The following NRG3 variants were observed in gnomAD, a reference collection of about 807,000 sequenced individuals.
NRG3 encodes the protein neuregulin 3, also known as pro-neuregulin-3, membrane-bound isoform.
NRG3 carries 31 observed loss-of-function variants against 66.9 expected under a neutral mutation model. That is an observed-to-expected ratio of 0.46 (90% CI 0.35 to 0.63). The LOEUF (loss-of-function observed/expected upper bound fraction) is 0.63. Ranked by LOEUF, NRG3 falls within the 20% of genes least tolerant of loss-of-function variation. The probability of loss-of-function intolerance (pLI) is 0.00; values close to 1 mark genes in which losing one functional copy is unlikely to be tolerated. For missense variants in NRG3, 910 were observed against 878.9 expected (o/e 1.04, Z -0.45); for synonymous variants, 393 against 359.4 (o/e 1.09, Z -1.06).
intron 1 of NRG3, among the ~76,000 whole-genome samples, chr10:82,132,491 T>TCA (rs2068934112): frequency 4.1e-5 from 1 of 24,360 alleles, no homozygotes; most frequent in East Asian, 9.2e-4. Flanking sequence ...TATATATATA[T>TCA]GATATATATA....
chr10:82,021,718 G>A (rs991588308), intron 1 of NRG3, among the ~76,000 whole-genome samples: 5 of 151,592 alleles, frequency 3.3e-5, no homozygotes, highest in African/African-American at 1.2e-4. Flanking sequence ...AAGACAACAG[G>A]AAGATAATTT....
At chr10:82,240,662 A>G (rs1172017138) in intron 1 of NRG3, among the ~76,000 whole-genome samples, 2 of 152,196 alleles carry the variant, frequency 1.3e-5, no homozygotes, top group Non-Finnish European at 2.9e-5. Context: ...AGTTCATTCC[A>G]GAATAAATAG....
intron 1 of NRG3, among the ~76,000 whole-genome samples, chr10:82,174,380 T>G (rs918466627): frequency 6.6e-6 from 1 of 152,102 alleles, no homozygotes; most frequent in Non-Finnish European, 1.5e-5. Flanking sequence ...ATGCACATGT[T>G]TTTTTCGTAT....
At chr10:81,938,252 A>T (rs1315452528) in intron 1 of NRG3, among the ~76,000 whole-genome samples, 2 of 151,044 alleles carry the variant, frequency 1.3e-5, no homozygotes, top group Non-Finnish European at 3.0e-5. Flanking sequence ...TTAAAAAAAA[A>T]ATTTCTGCAA....
At chr10:81,884,004 G>T (rs1262538797) in intron 1 of NRG3, among the ~76,000 whole-genome samples, 1 of 152,166 alleles carries the variant, frequency 6.6e-6, no homozygotes. Context: ...TTGAAATAAG[G>T]ATTGAAAAAC....
At chr10:82,012,791 C>T in intron 1 of NRG3, among the ~76,000 whole-genome samples, 1 of 152,182 alleles carries the variant, frequency 6.6e-6, no homozygotes, top group East Asian at 1.9e-4. Flanking sequence ...TAAAAAGAGT[C>T]ACCTTTGCTC....
At chr10:82,125,603 A>G (rs1329628704) in intron 1 of NRG3, among the ~76,000 whole-genome samples, 2 of 152,004 alleles carry the variant, frequency 1.3e-5, no homozygotes, top group Non-Finnish European at 2.9e-5. Context: ...TTAACCCCAA[A>G]TGTATATTTT....
At chr10:82,932,895 C>T (rs1243992198) in intron 4 of NRG3, among the ~76,000 whole-genome samples, 1 of 152,134 alleles carries the variant, frequency 6.6e-6, no homozygotes, top group East Asian at 1.9e-4. Context: ...CCTCCTTTCC[C>T]CTTGATATCC....
chr10:82,693,722 C>T (rs1038677116), intron 2 of NRG3, among the ~76,000 whole-genome samples: 4 of 152,144 alleles, frequency 2.6e-5, no homozygotes, highest in Admixed American at 1.3e-4. Flanking sequence ...GTGGTGCATC[C>T]GGAGTTTGTT....
chr10:82,179,909 T>C (rs1235287980), intron 1 of NRG3, among the ~76,000 whole-genome samples: 1 of 151,980 alleles, frequency 6.6e-6, no homozygotes, highest in Non-Finnish European at 1.5e-5. Context: ...TTTTCAAAAT[T>C]TCTTTCAGTA....
intron 2 of NRG3, among the ~76,000 whole-genome samples, chr10:82,667,522 T>C (rs1158573330): frequency 6.6e-6 from 1 of 152,186 alleles, no homozygotes; most frequent in Admixed American, 6.5e-5. Context: ...TACACAGAGA[T>C]ACTGCCTGGA....
intron 3 of NRG3, among the ~76,000 whole-genome samples, chr10:82,841,402 T>C (rs1223667460): frequency 1.3e-5 from 2 of 152,202 alleles, no homozygotes; most frequent in Admixed American, 6.5e-5. Context: ...AGAAGAAATA[T>C]GAATAGTGAT....
At chr10:82,904,354 C>A (rs1464898056) in intron 4 of NRG3, among the ~76,000 whole-genome samples, 2 of 152,146 alleles carry the variant, frequency 1.3e-5, no homozygotes, top group Non-Finnish European at 2.9e-5. Context: ...AATCACAGTG[C>A]CTCTTTAATG....
At chr10:82,082,501 G>A (rs1054944325) in intron 1 of NRG3, among the ~76,000 whole-genome samples, 4 of 152,096 alleles carry the variant, frequency 2.6e-5, no homozygotes, top group South Asian at 2.1e-4. Flanking sequence ...GGAAATTTGC[G>A]GTTCATAACA....
chr10:82,520,989 T>G (rs1846125003), intron 2 of NRG3, among the ~76,000 whole-genome samples: 1 of 152,156 alleles, frequency 6.6e-6, no homozygotes, highest in Non-Finnish European at 1.5e-5. Flanking sequence ...AAAATAATTT[T>G]TAAGCATAAG....
intron 1 of NRG3, among the ~76,000 whole-genome samples, chr10:82,039,714 T>C (rs2062947113): frequency 6.6e-6 from 1 of 152,132 alleles, no homozygotes; most frequent in Non-Finnish European, 1.5e-5. Context: ...CCTTAATTTA[T>C]GGAGGGAGGT....
chr10:82,876,780 T>C (rs1400305981), intron 4 of NRG3, among the ~76,000 whole-genome samples: 1 of 152,094 alleles, frequency 6.6e-6, no homozygotes, highest in Non-Finnish European at 1.5e-5. Context: ...TCCCAGCAGT[T>C]GGGAGGCCGA....
At chr10:82,836,954 C>T (rs2062811938) in intron 3 of NRG3, among the ~76,000 whole-genome samples, 1 of 152,064 alleles carries the variant, frequency 6.6e-6, no homozygotes, top group African/African-American at 2.4e-5. Context: ...CATGTGTTCT[C>T]ATTGTTCAAT....
chr10:82,206,825 T>C (rs1345833338), intron 1 of NRG3, among the ~76,000 whole-genome samples: 1 of 152,230 alleles, frequency 6.6e-6, no homozygotes, highest in Non-Finnish European at 1.5e-5. Flanking sequence ...AATAACACGT[T>C]TTAAAAATTA....
Sources: allele counts gnomAD v4.1 joint callset (sites outside exome capture counted in the v4.1 genomes callset), GRCh38; gene constraint gnomAD v4.1.1; transcripts MANE v1.5; gene names NCBI Gene and HGNC (gene_info 2026-07-23, HGNC 2026-07-21).